The following MAML3 variants were observed in gnomAD, a reference collection of about 807,000 sequenced individuals.
MAML3 encodes mastermind like transcriptional coactivator 3.
In MAML3, 27 loss-of-function variants were observed where a neutral mutation model predicts 101.9. The observed-to-expected ratio is 0.27, with a 90% CI of 0.20 to 0.37. The LOEUF (loss-of-function observed/expected upper bound fraction) is 0.37, where lower values mean the gene tolerates loss of function less well. MAML3 is among the 10% of genes least tolerant of loss of function. The pLI, the probability that MAML3 is intolerant of heterozygous loss-of-function variation, is 1.00. For synonymous variants in MAML3, 501 were observed against 555.9 expected (o/e 0.90, Z 1.39); for missense variants, 1,316 against 1,444.9 (o/e 0.91, Z 1.45).
chr4:139,792,936 C>A (rs1021519493), intron 2 of MAML3, among the ~76,000 whole-genome samples: 1 of 151,962 alleles, frequency 6.6e-6, no homozygotes, highest in Non-Finnish European at 1.5e-5. Flanking sequence ...TTAGTAGAGA[C>A]GGGGTTTCAC....
chr4:139,984,990 G>A (rs146718589), intron 1 of MAML3, among the ~76,000 whole-genome samples: 1 of 152,202 alleles, frequency 6.6e-6, no homozygotes, highest in Admixed American at 6.5e-5. Context: ...GACAGCTGTT[G>A]CAGCTTTCTG....
At chr4:139,826,585 C>T (rs1314525674) in intron 2 of MAML3, among the ~76,000 whole-genome samples, 4 of 152,154 alleles carry the variant, frequency 2.6e-5, no homozygotes, top group African/African-American at 9.7e-5. Flanking sequence ...TCACATATTT[C>T]GAATGCTCTT....
chr4:139,837,892 C>T (rs1389174820), intron 2 of MAML3, among the ~76,000 whole-genome samples: 2 of 151,988 alleles, frequency 1.3e-5, no homozygotes, highest in African/African-American at 2.4e-5. Flanking sequence ...TGCACTCCAG[C>T]CTGTGCTACA....
rs1487244526 is a variant in MAML3, at chr4:140,153,865, A to T, written c.-538T>A. The T allele has an allele frequency of 6.5e-6, 1 of 154,094 alleles. No individual in the cohort carries two copies. The highest frequency in any genetic ancestry group is 1.4e-5 in the Non-Finnish European group (1 of 69,180). 9.5% of individuals were successfully genotyped at this position (154,094 alleles called of 1,614,324 possible). A position where few individuals can be genotyped will look rare whatever the true frequency, so the allele number is the denominator to read the frequency against. ...GCTTATTGCATTTTCCTTCCACAAAAAAGTTTTGGTGTTTATGCCGCCCCG... is the reference window on the plus strand; with the variant it reads ...GCTTATTGCATTTTCCTTCCACAAATAAGTTTTGGTGTTTATGCCGCCCCG... On this transcript the variant is annotated 5_prime_UTR_variant, in exon 1 of 5. Transcript: ENST00000509479.
chr4:139,774,988 TC>T (rs1420678120), intron 2 of MAML3, among the ~76,000 whole-genome samples: 3 of 152,126 alleles, frequency 2.0e-5, no homozygotes, highest in Non-Finnish European at 4.4e-5. Flanking sequence ...GGGAAAGACT[TC>T]CTTTTAGAAC....
intron 1 of MAML3, among the ~76,000 whole-genome samples, chr4:139,924,333 T>A (rs1345245084): frequency 1.3e-5 from 2 of 152,202 alleles, no homozygotes; most frequent in East Asian, 3.8e-4. Flanking sequence ...GACAGGGTAT[T>A]CTTCTTTTAA....
chr4:139,775,092 G>A (rs1007748825), intron 2 of MAML3, among the ~76,000 whole-genome samples: 6 of 152,134 alleles, frequency 3.9e-5, no homozygotes, highest in African/African-American at 1.2e-4. Flanking sequence ...TAATGCAAGG[G>A]TACTTGGGCT....
intron 1 of MAML3, among the ~76,000 whole-genome samples, chr4:140,145,878 C>CTTTTTTTCT (rs1553981314): frequency 1.8e-5 from 2 of 108,476 alleles, no homozygotes; most frequent in Non-Finnish European, 3.5e-5. Context: ...TTTCTTTTTT[C>CTTTTTTTCT]TTTTTTTTTT....
intron 1 of MAML3, among the ~76,000 whole-genome samples, chr4:139,942,738 G>A (rs1733632022): frequency 6.6e-6 from 1 of 150,544 alleles, no homozygotes; most frequent in African/African-American, 2.5e-5. Context: ...TTTCTTATGT[G>A]TAAACTATAT....
At chr4:140,146,803 C>T (rs534536107) in intron 1 of MAML3, among the ~76,000 whole-genome samples, 7 of 152,076 alleles carry the variant, frequency 4.6e-5, no homozygotes, top group Middle Eastern at 3.4e-3. Flanking sequence ...CACCCTGAAG[C>T]CTGAAACTGC....
rs150612995 is a variant in MAML3, at chr4:140,018,440, T to C, written c.469-127473A>G. Among the ~76,000 whole-genome samples, 725 of 152,340 alleles carry C rather than the reference T, an allele frequency of 4.8e-3. 6 individuals are homozygous for C. The highest frequency in any genetic ancestry group is 0.016 in the African/African-American group (679 of 41,592). On this transcript the variant is annotated intron_variant, in intron 1 of 4. Transcript: ENST00000509479. Reference sequence around the variant, plus strand: ...GAAAACAATCTTGTTTATCTTAATATATTAATAATGTCACTACATGGAAGG... The same window carrying C: ...GAAAACAATCTTGTTTATCTTAATACATTAATAATGTCACTACATGGAAGG...
At chr4:139,795,542 C>T (rs867665940) in intron 2 of MAML3, among the ~76,000 whole-genome samples, 107 of 152,292 alleles carry the variant, frequency 7.0e-4, no homozygotes, top group African/African-American at 2.3e-3. Context: ...TGAGGCACCA[C>T]GGTTCTTGTG....
chr4:139,863,439 C>T (rs930849372), intron 2 of MAML3, among the ~76,000 whole-genome samples: 9 of 150,658 alleles, frequency 6.0e-5, no homozygotes, highest in African/African-American at 2.0e-4. Flanking sequence ...CAACCTGCAC[C>T]TCCAGGGTTC....
At chr4:139,769,218 T>C (rs1384619048) in intron 2 of MAML3, among the ~76,000 whole-genome samples, 2 of 152,186 alleles carry the variant, frequency 1.3e-5, no homozygotes, top group African/African-American at 4.8e-5. Flanking sequence ...CAGGCAGGGA[T>C]ACAGAGTGGG....
At chr4:139,761,514 G>T (rs1467304682) in intron 2 of MAML3, among the ~76,000 whole-genome samples, 1 of 152,132 alleles carries the variant, frequency 6.6e-6, no homozygotes, top group Non-Finnish European at 1.5e-5. Flanking sequence ...ATGATGATTA[G>T]ATAGGACACA....
chr4:139,748,054 A>T (rs1729383303), intron 2 of MAML3, among the ~76,000 whole-genome samples: 1 of 1,314 alleles, frequency 7.6e-4, no homozygotes, highest in Admixed American at 0.017. Flanking sequence ...GACTTCGTCT[A>T]AAAAAAAAAA....
chr4:139,996,707 G>GTC (rs1156603295), intron 1 of MAML3, among the ~76,000 whole-genome samples: 4 of 152,076 alleles, frequency 2.6e-5, no homozygotes, highest in African/African-American at 7.2e-5. Context: ...GTGTGTGTGT[G>GTC]TTTTAATCCA....
intron 1 of MAML3, among the ~76,000 whole-genome samples, chr4:140,006,133 A>G (rs911271798): frequency 6.6e-6 from 1 of 152,140 alleles, no homozygotes; most frequent in African/African-American, 2.4e-5. Flanking sequence ...GACTTTATCG[A>G]GTAAGATGAC....
chr4:139,772,103 G>A (rs948128737), intron 2 of MAML3, among the ~76,000 whole-genome samples: 10 of 151,162 alleles, frequency 6.6e-5, no homozygotes, highest in African/African-American at 1.7e-4. Context: ...AGCTGGGCGC[G>A]GTGGCAGGTG....
Sources: gnomAD v4.1 joint callset for allele counts (sites outside exome capture counted in the v4.1 genomes callset) on GRCh38, gnomAD v4.1.1 for gene constraint, MANE v1.5 for transcripts, NCBI Gene and HGNC (gene_info 2026-07-23, HGNC 2026-07-21) for gene names.